The following SLC4A1AP variants were observed in gnomAD, a reference collection of about 807,000 sequenced individuals.
SLC4A1AP encodes solute carrier family 4 member 1 adaptor protein, also known as kanadaptin.
SLC4A1AP carries 64 observed loss-of-function variants against 89.7 expected under a neutral mutation model. The observed-to-expected ratio is 0.71, with a 90% CI of 0.58 to 0.88. The LOEUF is 0.88. Ranked by LOEUF, SLC4A1AP falls within the 40% of genes least tolerant of loss-of-function variation. The pLI, the probability that SLC4A1AP is intolerant of heterozygous loss-of-function variation, is 0.00. For missense variants in SLC4A1AP, 931 were observed against 965.0 expected (o/e 0.96, Z 0.47); for synonymous variants, 366 against 353.3 (o/e 1.04, Z -0.40).
chr2:27,677,407 G>A (rs746168170), intron 7 of SLC4A1AP, 43 bp downstream of exon 7: 9 of 1,351,312 alleles, frequency 6.7e-6, no homozygotes, highest in Non-Finnish European at 9.5e-6. Context: ...CACATATAGT[G>A]CTCTATGCTA....
chr2:27,678,020 T>C, intron 8 of SLC4A1AP, 96 bp downstream of exon 8: 1 of 830,444 alleles, frequency 1.2e-6, no homozygotes, highest in Non-Finnish European at 1.8e-6. Flanking sequence ...CATTATATAA[T>C]ACAAATGTAA....
intron 8 of SLC4A1AP, among the ~76,000 whole-genome samples, chr2:27,681,856 G>C (rs1392137237): frequency 6.6e-6 from 1 of 152,044 alleles, no homozygotes; most frequent in Non-Finnish European, 1.5e-5. Flanking sequence ...TTGCGCTTAA[G>C]TGGGAGCTCC....
At chr2:27,692,767 G>C (rs1265006525) in intron 12 of SLC4A1AP, 1 of 151,594 alleles carries the variant, frequency 6.6e-6, no homozygotes, top group African/African-American at 2.4e-5. Context: ...TTTCAGTGTT[G>C]TTGCTTTAAA....
At chr2:27,692,861 C>G (rs1407749238) in intron 12 of SLC4A1AP, 1 of 152,044 alleles carries the variant, frequency 6.6e-6, no homozygotes, top group Non-Finnish European at 1.5e-5. Context: ...CACTCCTTTA[C>G]CTTTAGTCTA....
At chr2:27,690,076 G>A (rs1675765375) in intron 12 of SLC4A1AP, among the ~76,000 whole-genome samples, 1 of 152,178 alleles carries the variant, frequency 6.6e-6, no homozygotes, top group Non-Finnish European at 1.5e-5. Flanking sequence ...ATCATTAATA[G>A]AAACTGTTCT....
chr2:27,675,711 A>C lies in SLC4A1AP; in HGVS notation c.1506+19A>C, dbSNP rs1359793170. On this transcript the variant is annotated intron_variant, in intron 6 of 13. Transcript: ENST00000613058. ...ATCATTGGCAAGTTTTATTTATGGA[A>C]GTAGCTGTGGTATTTAATAGTTTAA... is the stretch of plus-strand genomic sequence containing the variant. The C allele has an allele frequency of 3.2e-6, 5 of 1,542,644 alleles. No individual in the cohort carries two copies. The highest frequency in any genetic ancestry group is 2.6e-5 in the South Asian group (2 of 77,896).
exon 5 of SLC4A1AP, chr2:27,669,371 G>A (rs1389162153): frequency 6.2e-7 from 1 of 1,610,012 alleles, no homozygotes; most frequent in African/African-American, 1.3e-5. Flanking sequence ...CTTTGGGATT[G>A]CTTCGGCAGG....
At chr2:27,670,801 C>T (rs961128114) in intron 5 of SLC4A1AP, among the ~76,000 whole-genome samples, 1 of 151,692 alleles carries the variant, frequency 6.6e-6, no homozygotes, top group Admixed American at 6.6e-5. Flanking sequence ...GCAGAGTTTT[C>T]ATTGAGCCGA....
chr2:27,685,690 T>G (rs1675693589), intron 10 of SLC4A1AP, among the ~76,000 whole-genome samples: 1 of 152,150 alleles, frequency 6.6e-6, no homozygotes, highest in South Asian at 2.1e-4. Flanking sequence ...AAACCATAAT[T>G]GTACTCATTG....
At chr2:27,669,360 A>G (rs759231489) in exon 5 of SLC4A1AP, 4 of 1,611,380 alleles carry the variant, frequency 2.5e-6, no homozygotes, top group Middle Eastern at 1.6e-4. Flanking sequence ...GATTCTTGAC[A>G]CTTTGGGATT....
chr2:27,677,359 G>T, exon 7 of SLC4A1AP: 1 of 1,611,172 alleles, frequency 6.2e-7, no homozygotes. Flanking sequence ...AAAGCCTCAA[G>T]CCAAGGTAAG....
chr2:27,675,085 T>C (rs1675495188), intron 5 of SLC4A1AP, among the ~76,000 whole-genome samples: 1 of 152,208 alleles, frequency 6.6e-6, no homozygotes, highest in Admixed American at 6.5e-5. Flanking sequence ...TGGGAAAATA[T>C]ACATAACAGA....
At chr2:27,663,963 A>G in exon 1 of SLC4A1AP, 1 of 1,614,198 alleles carries the variant, frequency 6.2e-7, no homozygotes, top group Admixed American at 1.7e-5. Context: ...GCAAGACCTC[A>G]GTGGGGACTT....
At position 27,669,034 on chromosome 2, in the gene SLC4A1AP, C is replaced by T. The variant is rs921485208; in HGVS notation, c.1205+131C>T. On this transcript the variant is annotated intron_variant, in intron 4 of 13. Transcript: ENST00000613058. ...GCTATTTCTAAATTTGAGCCTTTAT[C>T]GTTTAGTAACCCTTATATTATTGGA... The T allele has an allele frequency of 5.6e-6, 6 of 1,062,988 alleles. No homozygotes were observed. The African/African-American group carries it at 6.4e-5, about 11-fold the overall frequency. The allele number at this position is 1,062,988 out of a possible 1,614,324, so 65.8% of individuals were successfully genotyped here.
exon 2 of SLC4A1AP, chr2:27,665,205 G>A (rs1447171526): frequency 1.2e-6 from 2 of 1,613,766 alleles, no homozygotes; most frequent in Admixed American, 3.3e-5. Context: ...GCTAGGAGAA[G>A]ACTCAGATGA....
intron 5 of SLC4A1AP, among the ~76,000 whole-genome samples, chr2:27,671,033 T>C (rs1417052156): frequency 1.3e-5 from 2 of 150,924 alleles, no homozygotes; most frequent in Admixed American, 1.3e-4. Flanking sequence ...AAGTGATTCT[T>C]CTGCCTCAGC....
At chr2:27,664,002 GCGGCGCGGAGTAAGGCCC>G in exon 1 of SLC4A1AP, 1 of 1,614,236 alleles carries the variant, frequency 6.2e-7, no homozygotes. Flanking sequence ...GGTGTCCCCA[GCGGCGCGGAGTAAGGCCC>G]CGGCCAGCAG....
Position 27,693,492 on chromosome 2 carries a change from C to T in SLC4A1AP, c.2272-193C>T. 4 of 549,630 alleles carry T rather than the reference C, an allele frequency of 7.3e-6. No individual in the cohort carries two copies. In the South Asian group the frequency reaches 8.1e-5, roughly 11 times the overall value. The allele number at this position is 549,630 out of a possible 1,614,324, so 34.0% of individuals were successfully genotyped here. On this transcript the variant is annotated intron_variant, in intron 12 of 13. Coordinates refer to ENST00000613058, the Ensembl canonical transcript of SLC4A1AP. The stretch of plus-strand genomic sequence containing the variant: ...GTCTGGTCTGGTAGTGACAAATTCC[C>T]TCAGCATGTGCTTGTCTGAAAAAGA...
At chr2:27,669,114 G>GA in intron 4 of SLC4A1AP, 134 bp from the exon 5 acceptor site, 1 of 1,099,766 alleles carries the variant, frequency 9.1e-7, no homozygotes, top group Non-Finnish European at 1.3e-6. Context: ...TCCAACATTG[G>GA]AAAGATAGAA....
Sources: allele counts gnomAD v4.1 joint callset (sites outside exome capture counted in the v4.1 genomes callset), GRCh38; gene constraint gnomAD v4.1.1; transcripts MANE v1.5; gene names NCBI Gene and HGNC (gene_info 2026-07-23, HGNC 2026-07-21).